RBM25: variants seen among roughly 807,000 people sequenced by gnomAD.
RBM25 encodes RNA binding motif protein 25, also known as RNA-binding protein 25.
Under a neutral mutation model 120.7 loss-of-function variants are expected in RBM25, and 19 were observed. The observed-to-expected ratio is 0.16, with a 90% CI of 0.11 to 0.23. The LOEUF (loss-of-function observed/expected upper bound fraction) is 0.23. RBM25 is among the 10% of genes least tolerant of loss of function. The pLI, the probability that RBM25 is intolerant of heterozygous loss-of-function variation, is 1.00. For synonymous variants in RBM25, 390 were observed against 326.7 expected, an observed-to-expected ratio of 1.19 and a Z score of -2.09; for missense variants, 605 against 1,041.5, an observed-to-expected ratio of 0.58 and a Z score of 5.77.
chr14:73,115,293 T>C (rs1418412499), intron 18 of RBM25, among the ~76,000 whole-genome samples: 1 of 152,102 alleles, frequency 6.6e-6, no homozygotes, highest in African/African-American at 2.4e-5. Flanking sequence ...CTAGTACTCA[T>C]TAGTTATTTT....
rs769848063 is a variant in RBM25, at chr14:73,111,702, C to G, written c.2192C>G (p.Thr731Ser). 6 of 1,614,140 alleles carry G rather than the reference C, an allele frequency of 3.7e-6. No individual in the cohort carries two copies. The East Asian group carries it at 1.3e-4, about 36-fold the overall frequency. Reference sequence around the variant, plus strand: ...AATGCAACCAAAGGCACTGTAAACACTGAAGAAAAGCGTAAACACATTAAG... The same window carrying G: ...AATGCAACCAAAGGCACTGTAAACAGTGAAGAAAAGCGTAAACACATTAAG... ...DKNATKGTVNTEEKRKHIKSL... is the reference protein window; with the variant it reads ...DKNATKGTVNSEEKRKHIKSL... Residue 731 changes from threonine to serine, a missense_variant, in exon 16 of 19, where the codon ACT becomes AGT. Around this residue, in one of 4 missense-constraint regions of RBM25, gnomAD observed 465 missense variants for 741.6 expected, o/e 0.63. Transcript: ENST00000261973.
At chr14:73,100,236 A>G (rs1896031716) in intron 9 of RBM25, 10 of 630,126 alleles carry the variant, frequency 1.6e-5, no homozygotes, top group Non-Finnish European at 2.6e-5. Context: ...CAAATTTTAG[A>G]TGCATGGAAG....
intron 4 of RBM25, among the ~76,000 whole-genome samples, chr14:73,079,750 G>A (rs572667910): frequency 1.3e-5 from 2 of 150,856 alleles, no homozygotes; most frequent in African/African-American, 4.8e-5. Context: ...TGGGCACTCT[G>A]TAAGTTTTAA....
chr14:73,104,080 G>A (rs1896129457), intron 10 of RBM25, among the ~76,000 whole-genome samples: 1 of 149,540 alleles, frequency 6.7e-6, no homozygotes, highest in South Asian at 2.1e-4. Flanking sequence ...ACTTTTTATA[G>A]AAACACAGTG....
intron 6 of RBM25, 109 bp downstream of exon 6, chr14:73,088,270 G>A: frequency 7.2e-7 from 1 of 1,380,360 alleles, no homozygotes; most frequent in Admixed American, 1.7e-5. Context: ...CATCATGTAT[G>A]TGCTTGTGGC....
At chr14:73,066,417 C>G (rs1163608746) in intron 1 of RBM25, among the ~76,000 whole-genome samples, 1 of 152,136 alleles carries the variant, frequency 6.6e-6, no homozygotes. Flanking sequence ...CGACGGATCA[C>G]TTGAGGCCAG....
intron 1 of RBM25, among the ~76,000 whole-genome samples, chr14:73,062,847 G>C (rs575774605): frequency 2.0e-5 from 3 of 151,154 alleles, no homozygotes; most frequent in Admixed American, 1.3e-4. Flanking sequence ...TTTTTGGGGG[G>C]CCTCACTCTG....
At position 73,103,227 on chromosome 14, in the gene RBM25, A is replaced by C; in HGVS notation, c.903A>C (p.Glu301Asp). 6.2e-7 allele frequency: 1 copy of C among 1,610,490 alleles called. No homozygotes were observed. Among genetic ancestry groups the C allele is most frequent in the South Asian group, 1.1e-5 (1 of 90,336 alleles). The change falls in exon 10 of 19, where the codon GAA becomes GAC. Residue 301 changes from glutamate (E) to aspartate (D), a missense_variant. Transcript: ENST00000261973. ...AAGAGAAAGGCAAAAAGGAAAAAGAAAGACAGGAAATTGAGAAAGAACGGA... is the reference window on the plus strand; with the variant it reads ...AAGAGAAAGGCAAAAAGGAAAAAGACAGACAGGAAATTGAGAAAGAACGGA... ...LEEEKGKKEK[E>D]RQEIEKERRE...
chr14:73,076,503 C>A, intron 3 of RBM25, 135 bp downstream of exon 3: 1 of 745,568 alleles, frequency 1.3e-6, no homozygotes, highest in Non-Finnish European at 2.2e-6. Context: ...CCCTGTAGAG[C>A]ATATCATTTA....
chr14:73,072,129 G>T (rs1895309320), intron 2 of RBM25, among the ~76,000 whole-genome samples: 1 of 152,018 alleles, frequency 6.6e-6, no homozygotes, highest in South Asian at 2.1e-4. Context: ...CTGCCACCAT[G>T]CCTGGCTAAG....
intron 1 of RBM25, chr14:73,068,387 ATTTTTTTTT>A: frequency 4.2e-6 from 2 of 476,614 alleles, no homozygotes; most frequent in South Asian, 4.1e-5. Flanking sequence ...CTTGTATTTG[ATTTTTTTTT>A]TTTTTTTTTG....
chr14:73,100,023 A>G (rs1309402039), intron 9 of RBM25: 5 of 478,416 alleles, frequency 1.0e-5, no homozygotes, highest in Non-Finnish European at 1.8e-5. Flanking sequence ...ATTTCAACAT[A>G]AACATCAAGG....
intron 12 of RBM25, 33 bp from the exon 13 acceptor site, chr14:73,107,793 T>C: frequency 6.9e-7 from 1 of 1,457,838 alleles, no homozygotes; most frequent in South Asian, 1.2e-5. Context: ...TACTTGTATG[T>C]TAATTTTATA....
At chr14:73,060,300 G>T (rs895043904) in intron 1 of RBM25, among the ~76,000 whole-genome samples, 2 of 151,468 alleles carry the variant, frequency 1.3e-5, no homozygotes, top group East Asian at 3.8e-4. Context: ...GCCCCAAAGC[G>T]CTGGGATTAC....
chr14:73,073,193 T>G (rs561925732), intron 2 of RBM25, among the ~76,000 whole-genome samples: 1 of 152,224 alleles, frequency 6.6e-6, no homozygotes, highest in East Asian at 1.9e-4. Flanking sequence ...CCTTCCAAAG[T>G]TCTGGGATTA....
chr14:73,061,250 G>A (rs1894999409), intron 1 of RBM25, among the ~76,000 whole-genome samples: 1 of 151,068 alleles, frequency 6.6e-6, no homozygotes, highest in Non-Finnish European at 1.5e-5. Flanking sequence ...TAGAGACGGG[G>A]TTTGACCATG....
At chr14:73,073,588 T>A (rs1239508321) in intron 2 of RBM25, among the ~76,000 whole-genome samples, 1 of 152,086 alleles carries the variant, frequency 6.6e-6, no homozygotes, top group Non-Finnish European at 1.5e-5. Flanking sequence ...CTCAGGAGGC[T>A]GAGGCAGGAG....
chr14:73,080,213 CTTTTTTTTTTTTTTTT>C (rs766461418), intron 4 of RBM25, among the ~76,000 whole-genome samples: 3 of 67,176 alleles, frequency 4.5e-5, no homozygotes, highest in South Asian at 5.3e-4. Flanking sequence ...TCTTACACAT[CTTTTTTTTTTTTTTTT>C]TTTTTTTTTT....
At position 73,096,645 on chromosome 14, in the gene RBM25, G is replaced by A. The variant is rs535448557; in HGVS notation, c.544-270G>A. 2.6e-5 allele frequency among the ~76,000 whole-genome samples: 4 copies of A among 152,302 alleles called. No homozygotes were observed. In the East Asian group the frequency reaches 5.8e-4, roughly 22 times the overall value. On this transcript the variant is annotated intron_variant, in intron 6 of 18. Coordinates refer to ENST00000261973, the MANE Select transcript of RBM25 (RefSeq NM_021239.3). ...TCTGAAAACTTGTGAATGGTTTGCA[G>A]ATGTGTCGTATAGTGTGCTAGTCCT...
Sources: gnomAD v4.1 joint callset for allele counts (sites outside exome capture counted in the v4.1 genomes callset) on GRCh38, gnomAD v4.1.1 for gene constraint, gnomAD v4.1.1 regional missense constraint, MANE v1.5 for transcripts, NCBI Gene and HGNC (gene_info 2026-07-23, HGNC 2026-07-21) for gene names.